The following SELENOO variants were observed in gnomAD, a reference collection of about 807,000 sequenced individuals.
SELENOO encodes selenoprotein O.
SELENOO carries 74 observed loss-of-function variants against 58.7 expected under a neutral mutation model. The ratio of observed to expected loss-of-function variants is 1.26; its 90% CI spans 1.04 to 1.53. SELENOO has a LOEUF of 1.53. SELENOO is among the 40% of genes most tolerant of loss of function. The probability of loss-of-function intolerance (pLI) is 0.00; values close to 1 mark genes in which losing one functional copy is unlikely to be tolerated. For synonymous variants in SELENOO, 543 were observed against 453.2 expected, an observed-to-expected ratio of 1.20 and a Z score of -2.52; for missense variants, 1,149 against 970.0, an observed-to-expected ratio of 1.18 and a Z score of -2.45.
intron 5 of SELENOO, among the ~76,000 whole-genome samples, chr22:50,212,973 G>A (rs560158009): frequency 1.5e-4 from 23 of 152,222 alleles, no homozygotes; most frequent in Non-Finnish European, 2.8e-4. Flanking sequence ...TGAGGTAACT[G>A]ATTGGAGATC....
intron 6 of SELENOO, among the ~76,000 whole-genome samples, chr22:50,216,268 A>C (rs1053941994): frequency 6.6e-6 from 1 of 152,256 alleles, no homozygotes; most frequent in African/African-American, 2.4e-5. Flanking sequence ...CTTAAAAAAC[A>C]AGACCAGTGG....
rs1569102896 is a variant in SELENOO at position 50,210,617 on chromosome 22, G to A, written c.1071-14G>A. 4.3e-6 allele frequency: 7 copies of A among 1,612,776 alleles called. No individual in the cohort carries two copies. Among genetic ancestry groups the A allele is most frequent in the Non-Finnish European group, 5.9e-6 (7 of 1,179,808 alleles). On this transcript the variant is annotated splice_polypyrimidine_tract_variant and intron_variant, in intron 4 of 8. Transcript: ENST00000380903. ...CTCTCAGGCAGGGCGTGGCTCTCTTGCCCCGTGTGGCAGGTACGACCCCGA... is the reference window on the plus strand; with the variant it reads ...CTCTCAGGCAGGGCGTGGCTCTCTTACCCCGTGTGGCAGGTACGACCCCGA...
intron 5 of SELENOO, among the ~76,000 whole-genome samples, chr22:50,215,148 G>A (rs908576179): frequency 6.6e-6 from 1 of 152,310 alleles, no homozygotes; most frequent in African/African-American, 2.4e-5. Context: ...GAGTCAGGGG[G>A]AGGATCGCAG....
chr22:50,212,067 A>G (rs1255467636), intron 5 of SELENOO, among the ~76,000 whole-genome samples: 3 of 152,168 alleles, frequency 2.0e-5, no homozygotes, highest in Non-Finnish European at 2.9e-5. Context: ...TTGCATCTGT[A>G]TGCGTAAGGG....
chr22:50,206,562 T>TAC, intron 2 of SELENOO, 42 bp downstream of exon 2: 8 of 1,538,988 alleles, frequency 5.2e-6, no homozygotes, highest in Non-Finnish European at 7.1e-6. Flanking sequence ...CGCACTTGCT[T>TAC]AGAGTCCTAG....
Position 50,217,035 on chromosome 22 carries a change from G to A in SELENOO, c.1752G>A (p.Val584=). The change falls in exon 8 of 9, where the codon GTG becomes GTA. Residue 584 remains valine, a synonymous_variant. Coordinates refer to ENST00000380903, the MANE Select transcript of SELENOO (RefSeq NM_031454.2). Reference sequence around the variant, plus strand: ...CTGCCGCCTGGCAGGCTGAGCACGTGCGCGTGATGCACGCCAACAACCCGA... The same window carrying A: ...CTGCCGCCTGGCAGGCTGAGCACGTACGCGTGATGCACGCCAACAACCCGA... ...GDAAAWQAEH[V]RVMHANNPKY... 2 of 1,612,258 alleles carry A rather than the reference G, an allele frequency of 1.2e-6. No individual in the cohort carries two copies. Among genetic ancestry groups the A allele is most frequent in the Non-Finnish European group, 1.7e-6 (2 of 1,179,950 alleles).
chr22:50,209,015 G>A (rs897920300), intron 3 of SELENOO, among the ~76,000 whole-genome samples: 1 of 152,206 alleles, frequency 6.6e-6, no homozygotes, highest in Non-Finnish European at 1.5e-5. Flanking sequence ...GAAGGACCAT[G>A]GGCTGGGCAC....
At chr22:50,212,570 C>T (rs1464634125) in intron 5 of SELENOO, among the ~76,000 whole-genome samples, 3 of 152,222 alleles carry the variant, frequency 2.0e-5, no homozygotes, top group Non-Finnish European at 4.4e-5. Context: ...TTGTTCACAT[C>T]CGCCACCCAA....
At position 50,217,091 on chromosome 22, in the gene SELENOO, A is replaced by T. The variant is rs1399180040; in HGVS notation, c.1808A>T (p.Asn603Ile). 1 of 1,613,040 alleles carries T rather than the reference A, an allele frequency of 6.2e-7. No individual in the cohort carries two copies. Among genetic ancestry groups the T allele is most frequent in the Admixed American group, 1.7e-5 (1 of 60,024 alleles). ...KYVLRNYIAQ[N>I]AIEAAERGDF... is the part of the protein sequence containing the mutation. ...GTGCTGAGGAACTACATCGCGCAGA[A>T]TGCCATCGAGGCTGCCGAGCGCGGG... The change falls in exon 8 of 9, where the codon AAT becomes ATT. Residue 603 changes from asparagine (N) to isoleucine (I), a missense_variant. Transcript: ENST00000380903.
intron 2 of SELENOO, chr22:50,208,326 A>AG (rs1281099031): frequency 7.0e-6 from 3 of 429,786 alleles, no homozygotes; most frequent in Non-Finnish European, 1.3e-5. Flanking sequence ...GCTACTCGGG[A>AG]GGCTGAGGCA....
At position 50,216,727 on chromosome 22, in the gene SELENOO, C is replaced by A. The variant is rs1380693659; in HGVS notation, c.1539C>A (p.Asn513Lys). ...TGATGCTGATGCTGGCGCAGTCAAA[C>A]CCGCAGCTGTTCGCGCTTATGGGCA... is the stretch of plus-strand genomic sequence containing the variant. ...LSMMLMLAQS[N>K]PQLFALMGTR... The change falls in exon 7 of 9, where the codon AAC becomes AAA. Residue 513 changes from asparagine to lysine, a missense_variant. Coordinates refer to ENST00000380903, the MANE Select transcript of SELENOO (RefSeq NM_031454.2). 1 of 1,603,172 alleles carries A rather than the reference C, an allele frequency of 6.2e-7. No individual in the cohort carries two copies.
intron 2 of SELENOO, among the ~76,000 whole-genome samples, chr22:50,208,164 G>A (rs966772958): frequency 3.9e-5 from 6 of 152,176 alleles, no homozygotes; most frequent in African/African-American, 1.4e-4. Context: ...AGGCGCGGTG[G>A]CTCACGCCTG....
At chr22:50,208,345 A>C (rs958376903) in intron 2 of SELENOO, 191 bp from the exon 3 acceptor site, 2 of 500,692 alleles carry the variant, frequency 4.0e-6, no homozygotes, top group African/African-American at 4.0e-5. Context: ...CAGTAGAATC[A>C]CTTGAACCCA....
chr22:50,210,527 C>T (rs951582361), intron 4 of SELENOO, 104 bp from the exon 5 acceptor site: 23 of 1,535,018 alleles, frequency 1.5e-5, no homozygotes, highest in Admixed American at 8.7e-5. Flanking sequence ...CAGAGAGCCA[C>T]GGCCACTTGG....
At position 50,201,560 on chromosome 22, in the gene SELENOO, T is replaced by C; in HGVS notation, c.524T>C (p.Leu175Pro). The C allele has an allele frequency of 7.3e-7, 1 of 1,370,268 alleles. No homozygotes were observed. Among genetic ancestry groups the C allele is most frequent in the Non-Finnish European group, 9.5e-7 (1 of 1,055,588 alleles). The allele number at this position is 1,370,268 out of a possible 1,614,324, so 84.9% of individuals were successfully genotyped here. A position where few individuals can be genotyped will look rare whatever the true frequency, so the allele number is the denominator to read the frequency against. Residue 175 changes from leucine (L) to proline (P), a missense_variant, in exon 1 of 9, where the codon CTC becomes CCC. Physicochemically the swap from Leu to Pro is moderately conservative, Grantham distance 98 (BLOSUM62 -3). Transcript: ENST00000380903. ...ACCGGCGAGCGCTGGGAGCTGCAGC[T>C]CAAGGGCGCCGGGCCCACGCCCTTC... ...TATGERWELQLKGAGPTPFSR... is the reference protein window; with the variant it reads ...TATGERWELQPKGAGPTPFSR...
At chr22:50,208,033 C>T (rs1053200468) in intron 2 of SELENOO, among the ~76,000 whole-genome samples, 12 of 151,346 alleles carry the variant, frequency 7.9e-5, no homozygotes, top group African/African-American at 2.4e-4. Flanking sequence ...GTTGACCAAA[C>T]GTGGAATATG....
chr22:50,210,248 A>G lies in SELENOO; in HGVS notation c.1007A>G (p.Asn336Ser), dbSNP rs1602492558. 2 of 1,613,434 alleles carry G rather than the reference A, an allele frequency of 1.2e-6. No individual in the cohort carries two copies. The change falls in exon 4 of 9, where the codon AAC (asparagine) becomes AGC (serine). Residue 336 changes from asparagine (N) to serine (S), a missense_variant. Coordinates refer to ENST00000380903, the MANE Select transcript of SELENOO (RefSeq NM_031454.2). Reference sequence around the variant, plus strand: ...GTGGGCTTCTGCCACGGCGTGCTCAACACCGACAACATGAGCATCCTGGGG... The same window carrying G: ...GTGGGCTTCTGCCACGGCGTGCTCAGCACCGACAACATGAGCATCCTGGGG... ...QCVGFCHGVL[N>S]TDNMSILGLT...
chr22:50,205,168 G>A (rs941061107), intron 1 of SELENOO, among the ~76,000 whole-genome samples: 4 of 152,216 alleles, frequency 2.6e-5, no homozygotes, highest in Non-Finnish European at 1.5e-5. Flanking sequence ...TAGAGGAATC[G>A]GGAGCCAGTG....
chr22:50,211,074 C>T (rs2147163695), intron 5 of SELENOO, among the ~76,000 whole-genome samples, 163 bp downstream of exon 5: 1 of 152,304 alleles, frequency 6.6e-6, no homozygotes, highest in East Asian at 1.9e-4. Context: ...TTTGGTGAAT[C>T]TAGGACCTGC....
Sources: allele counts gnomAD v4.1 joint callset (sites outside exome capture counted in the v4.1 genomes callset), GRCh38; gene constraint gnomAD v4.1.1; transcripts MANE v1.5; gene names NCBI Gene and HGNC (gene_info 2026-07-23, HGNC 2026-07-21).